The following SLC9B1 variants were observed in gnomAD, a reference collection of about 807,000 sequenced individuals.
SLC9B1 encodes solute carrier family 9 member B1.
In SLC9B1, 32 loss-of-function variants were observed where a neutral mutation model predicts 51.7. The observed-to-expected ratio is 0.62, with a 90% CI of 0.47 to 0.83. The LOEUF is 0.83. Ranked by LOEUF, SLC9B1 falls within the 40% of genes least tolerant of loss-of-function variation. The pLI is 0.00. For missense variants in SLC9B1, 406 were observed against 613.2 expected, an observed-to-expected ratio of 0.66 and a Z score of 3.57; for synonymous variants, 145 against 212.7, an observed-to-expected ratio of 0.68 and a Z score of 2.77.
At position 102,919,808 on chromosome 4, in the gene SLC9B1, C is replaced by T. The variant is rs540732653; in HGVS notation, c.830-8271G>A. 7.2e-5 allele frequency among the ~76,000 whole-genome samples: 11 copies of T among 152,346 alleles called. No homozygotes were observed. The East Asian group carries it at 7.7e-4, about 11-fold the overall frequency. On this transcript the variant is annotated intron_variant, in intron 7 of 11. Transcript: ENST00000296422. ...CCCATGGAGCCTTGCTCACTACTAG[C>T]GCAACAGTCTGAGATCCATCTGCGA...
chr4:102,922,431 A>G (rs1735926394), intron 7 of SLC9B1, among the ~76,000 whole-genome samples: 1 of 152,264 alleles, frequency 6.6e-6, no homozygotes, highest in South Asian at 2.1e-4. Flanking sequence ...GGAAATTTAT[A>G]GCACTAAATG....
downstream of SLC9B1, among the ~76,000 whole-genome samples, chr4:102,898,483 T>A (rs1398809572): frequency 2.6e-5 from 4 of 152,246 alleles, no homozygotes; most frequent in East Asian, 7.7e-4. Context: ...GCTGCAATGC[T>A]TTTCAGACTC....
intron 3 of SLC9B1, among the ~76,000 whole-genome samples, chr4:102,972,368 T>C (rs1366919380): frequency 6.6e-6 from 1 of 152,030 alleles, no homozygotes; most frequent in Admixed American, 6.6e-5. Flanking sequence ...TCCATCACAC[T>C]TCAGCCTTCG....
intron 6 of SLC9B1, among the ~76,000 whole-genome samples, chr4:102,939,614 A>G (rs1181349624): frequency 6.6e-6 from 1 of 152,106 alleles, no homozygotes; most frequent in Non-Finnish European, 1.5e-5. Context: ...AGAAAACTTC[A>G]GGACAGTTAT....
At chr4:102,978,971 T>C (rs910121755) in intron 3 of SLC9B1, among the ~76,000 whole-genome samples, 1 of 152,224 alleles carries the variant, frequency 6.6e-6, no homozygotes, top group African/African-American at 2.4e-5. Context: ...GTTATACTCA[T>C]TATTAAAAGC....
At chr4:102,954,366 C>A (rs1391992441) in intron 3 of SLC9B1, among the ~76,000 whole-genome samples, 1 of 81,142 alleles carries the variant, frequency 1.2e-5, no homozygotes, top group East Asian at 3.5e-4. Flanking sequence ...CTGCTGGATT[C>A]GGTTTGCCAG....
At chr4:102,886,675 G>T (rs142155016) in intron 11 of SLC9B1, among the ~76,000 whole-genome samples, 1 of 152,158 alleles carries the variant, frequency 6.6e-6, no homozygotes, top group East Asian at 1.9e-4. Flanking sequence ...AAGTGTGATG[G>T]CATGATCTCA....
At position 102,914,948 on chromosome 4, in the gene SLC9B1, T is replaced by C. The variant is rs1735509104; in HGVS notation, c.830-3411A>G. ...ACAATGAGACACATTACAATCAAAC[T>C]GTCAAAAGTCAAAGACAAAGAGAGA... On this transcript the variant is annotated intron_variant, in intron 7 of 11. Coordinates refer to ENST00000296422, the MANE Select transcript of SLC9B1 (RefSeq NM_139173.4). Among the ~76,000 whole-genome samples the C allele has an allele frequency of 2.0e-5, 3 of 152,184 alleles. No homozygotes were observed. In the South Asian group the frequency reaches 6.2e-4, roughly 32 times the overall value.
chr4:102,943,970 G>C (rs1021258462), intron 6 of SLC9B1, among the ~76,000 whole-genome samples: 5 of 152,102 alleles, frequency 3.3e-5, no homozygotes, highest in Non-Finnish European at 7.4e-5. Flanking sequence ...ACATAGGAGG[G>C]GGTATATCTC....
chr4:102,904,071 T>C (rs935978774), intron 11 of SLC9B1, among the ~76,000 whole-genome samples: 1 of 152,080 alleles, frequency 6.6e-6, no homozygotes, highest in African/African-American at 2.4e-5. Flanking sequence ...ACTTTTTTTT[T>C]TTTTGGAGAC....
chr4:102,958,298 T>A (rs1223604875), intron 3 of SLC9B1, among the ~76,000 whole-genome samples: 2 of 152,218 alleles, frequency 1.3e-5, no homozygotes, highest in Non-Finnish European at 2.9e-5. Context: ...CTTTTACTCC[T>A]GCTTTCGCTA....
intron 6 of SLC9B1, among the ~76,000 whole-genome samples, chr4:102,936,487 A>G (rs1736728823): frequency 6.6e-6 from 1 of 152,246 alleles, no homozygotes; most frequent in Non-Finnish European, 1.5e-5. Flanking sequence ...TCAAAATCCA[A>G]TCCAAATAAT....
At chr4:102,904,667 G>C (rs1462422116) in intron 11 of SLC9B1, among the ~76,000 whole-genome samples, 1 of 151,744 alleles carries the variant, frequency 6.6e-6, no homozygotes, top group Non-Finnish European at 1.5e-5. Flanking sequence ...AACATAGCAA[G>C]ACCTCTTCTC....
chr4:102,956,377 C>T (rs1737815271), intron 3 of SLC9B1, among the ~76,000 whole-genome samples: 1 of 150,518 alleles, frequency 6.6e-6, no homozygotes, highest in South Asian at 2.1e-4. Context: ...GTGATAAGTT[C>T]TCCACACATA....
chr4:102,986,317 T>C (rs1331285213), intron 3 of SLC9B1, among the ~76,000 whole-genome samples: 1 of 151,702 alleles, frequency 6.6e-6, no homozygotes, highest in Non-Finnish European at 1.5e-5. Context: ...CTTGCTTCCA[T>C]GGTTTCTGAT....
intron 3 of SLC9B1, among the ~76,000 whole-genome samples, chr4:102,965,672 C>G (rs1738383716): frequency 6.6e-6 from 1 of 152,084 alleles, no homozygotes; most frequent in Non-Finnish European, 1.5e-5. Context: ...ATTATTCAAT[C>G]TCAATGGTCC....
intron 6 of SLC9B1, among the ~76,000 whole-genome samples, chr4:102,943,513 A>G (rs554087407): frequency 6.6e-6 from 1 of 151,786 alleles, no homozygotes; most frequent in East Asian, 1.9e-4. Flanking sequence ...GTATACACAC[A>G]CACACACACA....
At chr4:102,925,208 T>C (rs1425209449) in intron 7 of SLC9B1, among the ~76,000 whole-genome samples, 5 of 152,150 alleles carry the variant, frequency 3.3e-5, no homozygotes, top group Admixed American at 1.3e-4. Flanking sequence ...ATATACACCA[T>C]GGAATACTAT....
intron 3 of SLC9B1, among the ~76,000 whole-genome samples, chr4:102,955,513 TG>T (rs1338790791): frequency 6.6e-6 from 1 of 152,104 alleles, no homozygotes; most frequent in Non-Finnish European, 1.5e-5. Context: ...CTGTTAGGGC[TG>T]GGGGCAGGGG....
Sources: allele counts gnomAD v4.1 joint callset (sites outside exome capture counted in the v4.1 genomes callset), GRCh38; gene constraint gnomAD v4.1.1; transcripts MANE v1.5; gene names NCBI Gene and HGNC (gene_info 2026-07-23, HGNC 2026-07-21).